Variants in LRFN5 observed in about 807,000 individuals in gnomAD.
LRFN5 encodes the protein leucine rich repeat and fibronectin type III domain containing 5.
Under a neutral mutation model 45.6 loss-of-function variants are expected in LRFN5, and 24 were observed. The observed-to-expected ratio is 0.53, with a 90% CI of 0.38 to 0.74. The LOEUF (loss-of-function observed/expected upper bound fraction) is 0.74. LRFN5 is among the 30% of genes least tolerant of loss of function. The probability of loss-of-function intolerance (pLI) is 0.00; values close to 1 mark genes in which losing one functional copy is unlikely to be tolerated. For missense variants in LRFN5, 776 were observed against 861.5 expected, an observed-to-expected ratio of 0.90 and a Z score of 1.24; for synonymous variants, 340 against 313.8, an observed-to-expected ratio of 1.08 and a Z score of -0.88.
chr14:41,687,727 T>G (rs1194419838), intron 1 of LRFN5, among the ~76,000 whole-genome samples: 1 of 152,002 alleles, frequency 6.6e-6, no homozygotes, highest in Non-Finnish European at 1.5e-5. Flanking sequence ...CTCAGCAAAC[T>G]AACAAAGGAA....
At chr14:41,815,229 G>A (rs1368468361) in intron 2 of LRFN5, among the ~76,000 whole-genome samples, 1 of 151,890 alleles carries the variant, frequency 6.6e-6, no homozygotes, top group East Asian at 1.9e-4. Context: ...CTGTTTTCAG[G>A]TACATGCATG....
intron 1 of LRFN5, among the ~76,000 whole-genome samples, chr14:41,752,662 T>A (rs563674312): frequency 6.6e-6 from 1 of 152,232 alleles, no homozygotes; most frequent in African/African-American, 2.4e-5. Context: ...TTCTGGATAT[T>A]AGCCCTTTTC....
At chr14:41,849,440 G>A (rs1889186414) in intron 2 of LRFN5, among the ~76,000 whole-genome samples, 1 of 150,638 alleles carries the variant, frequency 6.6e-6, no homozygotes, top group Non-Finnish European at 1.5e-5. Flanking sequence ...TCTTAGTGTG[G>A]TTAAAAAAAA....
intron 2 of LRFN5, among the ~76,000 whole-genome samples, chr14:41,870,476 A>T (rs1029970927): frequency 6.6e-6 from 1 of 152,154 alleles, no homozygotes; most frequent in Non-Finnish European, 1.5e-5. Flanking sequence ...TGAGGAGCAA[A>T]GTCATGTCTT....
At chr14:41,821,645 G>A (rs184441020) in intron 2 of LRFN5, among the ~76,000 whole-genome samples, 91 of 152,002 alleles carry the variant, frequency 6.0e-4, no homozygotes, top group Non-Finnish European at 1.0e-3. Context: ...GAGCTTTGTA[G>A]AATGGGGTAT....
At chr14:41,754,433 C>G (rs1308882821) in intron 1 of LRFN5, among the ~76,000 whole-genome samples, 1 of 152,100 alleles carries the variant, frequency 6.6e-6, no homozygotes, top group Non-Finnish European at 1.5e-5. Context: ...ATTATTGCCT[C>G]AATTTCAGAG....
intron 2 of LRFN5, among the ~76,000 whole-genome samples, chr14:41,769,184 TAATGGAATAC>T (rs1885992895): frequency 6.6e-6 from 1 of 152,100 alleles, no homozygotes; most frequent in Middle Eastern, 3.2e-3. Context: ...CTTTAAAAAT[TAATGGAATAC>T]CAGAAACTTT....
Position 41,633,733 on chromosome 14 carries a change from A to G in LRFN5, c.-197+25171A>G, listed in dbSNP as rs142680802. Among the ~76,000 whole-genome samples, 1,387 of 152,268 alleles carry G rather than the reference A, an allele frequency of 9.1e-3. 6 individuals are homozygous for G. Among genetic ancestry groups the G allele is most frequent in the East Asian group, 0.014 (75 of 5,182 alleles). On this transcript the variant is annotated intron_variant, in intron 1 of 5. Transcript: ENST00000298119. ...AAAATGTTTTCTGTAATTTTTGTAA[A>G]TGTTGCCTTCTCTAGTTAGAAAATT...
chr14:41,870,563 C>T (rs1407055812), intron 2 of LRFN5, among the ~76,000 whole-genome samples: 2 of 152,126 alleles, frequency 1.3e-5, no homozygotes, highest in African/African-American at 4.8e-5. Flanking sequence ...GACTTATTCA[C>T]TATCATGAAA....
intron 1 of LRFN5, among the ~76,000 whole-genome samples, chr14:41,729,296 C>A (rs777397146): frequency 1.3e-5 from 2 of 151,962 alleles, no homozygotes; most frequent in African/African-American, 2.4e-5. Context: ...TAGCACCTCC[C>A]TTATTTCTCT....
intron 2 of LRFN5, among the ~76,000 whole-genome samples, chr14:41,775,382 C>T (rs923520497): frequency 7.2e-5 from 11 of 152,068 alleles, no homozygotes; most frequent in Admixed American, 2.0e-4. Flanking sequence ...CCACCGCACC[C>T]GGCAGTTGCT....
intron 1 of LRFN5, among the ~76,000 whole-genome samples, chr14:41,692,153 A>G (rs1322716903): frequency 6.6e-6 from 1 of 152,128 alleles, no homozygotes; most frequent in African/African-American, 2.4e-5. Flanking sequence ...GAAACTGGTA[A>G]TCATTTTTCA....
chr14:41,898,935 T>G lies in LRFN5; in HGVS notation c.2117T>G (p.Val706Gly). ...TTCCCAGATGCTTTGCTGACTAATG[T>G]TGACCAGATTGTCCAGGAAACACAG... ...HIKPNALLTN[V>G]DQIVQETQRL... The change falls in exon 5 of 6, where the codon GTT (valine) becomes GGT (glycine). Residue 706 changes from valine to glycine, a missense_variant. Transcript: ENST00000298119. 2.5e-6 allele frequency: 4 copies of G among 1,611,228 alleles called. No individual in the cohort carries two copies. Among genetic ancestry groups the G allele is most frequent in the Non-Finnish European group, 3.4e-6 (4 of 1,178,754 alleles).
chr14:41,664,412 GA>G (rs1880801290), intron 1 of LRFN5, among the ~76,000 whole-genome samples: 1 of 151,716 alleles, frequency 6.6e-6, no homozygotes, highest in Non-Finnish European at 1.5e-5. Flanking sequence ...ATCTACTCCT[GA>G]TATTAACAGG....
intron 1 of LRFN5, among the ~76,000 whole-genome samples, chr14:41,697,839 AATTTT>A (rs1286909795): frequency 1.3e-5 from 2 of 151,930 alleles, no homozygotes; most frequent in Admixed American, 6.6e-5. Context: ...GTATTCATCC[AATTTT>A]ATTTTATATC....
At position 41,607,185 on chromosome 14, in the gene LRFN5, C is replaced by G. The variant is rs189704143; in HGVS notation, c.-1574C>G. Among the ~76,000 whole-genome samples the G allele has an allele frequency of 1.3e-3, 204 of 152,234 alleles. 2 individuals are homozygous for G. The highest frequency in any genetic ancestry group is 1.5e-3 in the Non-Finnish European group (102 of 68,004). ...GTGTTTGAGCGTGTTTTTCCTTCTT[C>G]CCTTGAGGATGTGAATTGTTTAGCA... On this transcript the variant is annotated 5_prime_UTR_variant, in exon 1 of 6. Coordinates refer to ENST00000298119, the MANE Select transcript of LRFN5 (RefSeq NM_152447.5).
intron 1 of LRFN5, among the ~76,000 whole-genome samples, chr14:41,671,610 T>A (rs944898951): frequency 1.1e-4 from 13 of 121,048 alleles, no homozygotes; most frequent in Non-Finnish European, 2.0e-4. Flanking sequence ...AGAGATTTTT[T>A]TTTTTCGTTT....
intron 2 of LRFN5, among the ~76,000 whole-genome samples, chr14:41,813,050 C>T (rs1887790230): frequency 6.6e-6 from 1 of 152,048 alleles, no homozygotes; most frequent in Non-Finnish European, 1.5e-5. Context: ...TGTTTCCCAC[C>T]CTTTGAAGTG....
At chr14:41,781,626 GAAAGAAAGGAAA>G (rs1886520868) in intron 2 of LRFN5, among the ~76,000 whole-genome samples, 2 of 129,254 alleles carry the variant, frequency 1.5e-5, no homozygotes, top group African/African-American at 5.9e-5. Flanking sequence ...GAGAAAGAAA[GAAAGAAAGGAAA>G]GAAAGAAAGA....
Sources: gnomAD v4.1 joint callset for allele counts (sites outside exome capture counted in the v4.1 genomes callset) on GRCh38, gnomAD v4.1.1 for gene constraint, MANE v1.5 for transcripts, NCBI Gene and HGNC (gene_info 2026-07-23, HGNC 2026-07-21) for gene names.